The following JAZF1 variants were observed in gnomAD, a reference collection of about 807,000 sequenced individuals.
JAZF1 encodes juxtaposed with another zinc finger protein 1.
Under a neutral mutation model 26.4 loss-of-function variants are expected in JAZF1, and 8 were observed. The observed-to-expected ratio is 0.30, with a 90% CI of 0.18 to 0.55. The LOEUF (loss-of-function observed/expected upper bound fraction) is 0.55. JAZF1 is among the 20% of genes least tolerant of loss of function. The pLI is 0.94. For synonymous variants in JAZF1, 126 were observed against 122.3 expected (o/e 1.03, Z -0.20); for missense variants, 199 against 322.0 (o/e 0.62, Z 2.92).
At chr7:28,026,088 G>C (rs1783088783) in intron 1 of JAZF1, among the ~76,000 whole-genome samples, 1 of 152,124 alleles carries the variant, frequency 6.6e-6, no homozygotes. Context: ...TGGTCATAAG[G>C]AGCCCCTTTA....
chr7:27,875,466 C>T (rs1347023741), intron 3 of JAZF1, among the ~76,000 whole-genome samples: 1 of 152,168 alleles, frequency 6.6e-6, no homozygotes, highest in Non-Finnish European at 1.5e-5. Context: ...AACTTCCCCT[C>T]AACGTAGCAA....
intron 1 of JAZF1, among the ~76,000 whole-genome samples, chr7:28,042,147 G>C (rs553258022): frequency 1.3e-5 from 2 of 152,394 alleles, no homozygotes; most frequent in South Asian, 4.1e-4. Context: ...AGTTCGTTAA[G>C]AGGGCTGAGA....
chr7:28,027,108 G>A (rs996296303), intron 1 of JAZF1, among the ~76,000 whole-genome samples: 1 of 152,212 alleles, frequency 6.6e-6, no homozygotes, highest in Non-Finnish European at 1.5e-5. Flanking sequence ...TTGTCAGGAG[G>A]GGTGAGGCCC....
At chr7:28,063,889 T>C (rs1783837687) in intron 1 of JAZF1, among the ~76,000 whole-genome samples, 1 of 152,176 alleles carries the variant, frequency 6.6e-6, no homozygotes, top group Non-Finnish European at 1.5e-5. Context: ...ATGCATCTCT[T>C]TGACATGTGA....
chr7:28,092,862 A>G (rs868425722), intron 1 of JAZF1, among the ~76,000 whole-genome samples: 113 of 135,316 alleles, frequency 8.4e-4, no homozygotes, highest in African/African-American at 2.3e-3. Context: ...CCCTGTTTCG[A>G]AAAAAAAAAG....
chr7:28,089,418 A>C (rs1200799107), intron 1 of JAZF1, among the ~76,000 whole-genome samples: 2 of 152,240 alleles, frequency 1.3e-5, no homozygotes, highest in Admixed American at 1.3e-4. Context: ...AATAAATACC[A>C]GTATTCTATT....
At chr7:27,959,620 C>T (rs549173362) in intron 2 of JAZF1, among the ~76,000 whole-genome samples, 43 of 152,304 alleles carry the variant, frequency 2.8e-4, no homozygotes, top group Admixed American at 2.5e-3. Flanking sequence ...GAATTAACAG[C>T]TGGGCACAGT....
chr7:27,869,084 G>A (rs986783791), intron 3 of JAZF1, among the ~76,000 whole-genome samples: 1 of 152,182 alleles, frequency 6.6e-6, no homozygotes, highest in Non-Finnish European at 1.5e-5. Context: ...TTCTCTGCAT[G>A]TTCATAAAAT....
intron 3 of JAZF1, among the ~76,000 whole-genome samples, chr7:27,871,794 G>A (rs1022816999): frequency 6.6e-6 from 1 of 152,176 alleles, no homozygotes; most frequent in South Asian, 2.1e-4. Context: ...AGAAGCGTGT[G>A]AAGGGTATAT....
chr7:28,129,207 T>TTTAAGAG (rs1782750937), intron 1 of JAZF1, among the ~76,000 whole-genome samples: 1 of 152,146 alleles, frequency 6.6e-6, no homozygotes, highest in African/African-American at 2.4e-5. Flanking sequence ...GAGAATCATA[T>TTTAAGAG]AATCTCTTAG....
chr7:27,945,897 T>C (rs1343060757), intron 2 of JAZF1, among the ~76,000 whole-genome samples: 1 of 152,224 alleles, frequency 6.6e-6, no homozygotes, highest in Non-Finnish European at 1.5e-5. Flanking sequence ...TTATGATAAT[T>C]TGACTTACAA....
chr7:28,105,115 AT>A (rs1052092897), intron 1 of JAZF1, among the ~76,000 whole-genome samples: 12 of 151,510 alleles, frequency 7.9e-5, no homozygotes, highest in Middle Eastern at 3.4e-3. Context: ...ACATGTCCGG[AT>A]TTTTTTTTAG....
chr7:28,026,534 T>G (rs956493965), intron 1 of JAZF1, among the ~76,000 whole-genome samples: 2 of 152,190 alleles, frequency 1.3e-5, no homozygotes, highest in Non-Finnish European at 2.9e-5. Flanking sequence ...GCAATGCTTC[T>G]AACGTATGTA....
At chr7:28,043,395 C>G (rs577757395) in intron 1 of JAZF1, among the ~76,000 whole-genome samples, 1 of 152,286 alleles carries the variant, frequency 6.6e-6, no homozygotes, top group South Asian at 2.1e-4. Flanking sequence ...GAACTACCCT[C>G]CCCTAAGCTC....
intron 3 of JAZF1, among the ~76,000 whole-genome samples, chr7:27,872,055 C>T (rs187323890): frequency 5.9e-5 from 9 of 152,312 alleles, no homozygotes; most frequent in African/African-American, 1.9e-4. Flanking sequence ...ACAGAGCGCC[C>T]ATAGTCTCTG....
At chr7:27,888,834 T>A (rs1026663454) in intron 3 of JAZF1, among the ~76,000 whole-genome samples, 1 of 152,246 alleles carries the variant, frequency 6.6e-6, no homozygotes, top group South Asian at 2.1e-4. Flanking sequence ...ATACTTGAAT[T>A]TTCCCCCCCA....
intron 3 of JAZF1, among the ~76,000 whole-genome samples, chr7:27,851,451 C>T (rs910924618): frequency 6.6e-6 from 1 of 152,070 alleles, no homozygotes; most frequent in Non-Finnish European, 1.5e-5. Flanking sequence ...AAGTTTGAAA[C>T]CAGCCTGGGC....
chr7:27,885,642 C>T (rs1783847588), intron 3 of JAZF1, among the ~76,000 whole-genome samples: 1 of 152,186 alleles, frequency 6.6e-6, no homozygotes, highest in Non-Finnish European at 1.5e-5. Flanking sequence ...CTTTAAAGCA[C>T]ACACTTCTTT....
chr7:28,066,724 T>C (rs1001298585), intron 1 of JAZF1, among the ~76,000 whole-genome samples: 1 of 152,048 alleles, frequency 6.6e-6, no homozygotes, highest in Non-Finnish European at 1.5e-5. Context: ...GAAGTGTCTG[T>C]GCTTGCCTCA....
Sources: gnomAD v4.1 joint callset for allele counts (sites outside exome capture counted in the v4.1 genomes callset) on GRCh38, gnomAD v4.1.1 for gene constraint, MANE v1.5 for transcripts, NCBI Gene and HGNC (gene_info 2026-07-23, HGNC 2026-07-21) for gene names.